Variants in SLC45A4 observed in about 807,000 individuals in gnomAD.
The protein encoded by SLC45A4 is solute carrier family 45 member 4, also known as polyamine-transporter SLC45A4.
In SLC45A4, 32 loss-of-function variants were observed where a neutral mutation model predicts 63.7. The ratio of observed to expected loss-of-function variants is 0.50; its 90% confidence interval spans 0.38 to 0.67. The LOEUF (loss-of-function observed/expected upper bound fraction) is 0.67. Among genes scored for constraint, SLC45A4 ranks in the 30% least tolerant of loss-of-function variants. SLC45A4 has a pLI of 0.00. For synonymous variants in SLC45A4, 535 were observed against 510.0 expected (o/e 1.05, Z -0.66); for missense variants, 1,027 against 1,157.7 (o/e 0.89, Z 1.64).
Position 141,227,235 on chromosome 8 carries a change from C to T in SLC45A4, c.242-5470G>A, listed in dbSNP as rs918053407. Among the ~76,000 whole-genome samples, 5 of 152,174 alleles carry T rather than the reference C, an allele frequency of 3.3e-5. No homozygotes were observed. The highest frequency in any genetic ancestry group is 7.2e-5 in the African/African-American group (3 of 41,516). On this transcript the variant is annotated intron_variant, in intron 2 of 8. Transcript: ENST00000517878. This position sits in a 1 kb window ranked among gnomAD's most constrained non-coding sequence, Gnocchi z 4.4. ...CTCGGCCGCAGGCTGTGTGAGGTCA[C>T]GGGCGACGCTCGGGTCACGTGTGGC... is the stretch of plus-strand genomic sequence containing the variant.
At chr8:141,221,851 G>A in intron 2 of SLC45A4, 86 bp from the exon 3 acceptor site, 3 of 1,427,362 alleles carry the variant, frequency 2.1e-6, no homozygotes, top group Non-Finnish European at 2.9e-6. Flanking sequence ...ACAGGCAGGT[G>A]CCTCTGTGTA....
chr8:141,219,191 G>A (rs1457361278), intron 4 of SLC45A4, among the ~76,000 whole-genome samples, 162 bp from the exon 5 acceptor site: 2 of 152,250 alleles, frequency 1.3e-5, no homozygotes, highest in Non-Finnish European at 2.9e-5. Flanking sequence ...ACAAGAAACT[G>A]CAGCTGCTGC....
In SLC45A4 at chr8:141,219,739, G is replaced by A. The variant is rs1406226794; in HGVS notation, c.521C>T (p.Ala174Val). The A allele has an allele frequency of 6.2e-7, 1 of 1,605,508 alleles. No homozygotes were observed. The highest frequency in any genetic ancestry group is 1.1e-5 in the South Asian group (1 of 89,504). Residue 174 changes from alanine to valine, a missense_variant, in exon 4 of 9, where the codon GCC becomes GTC. Ala to Val is a moderately conservative substitution (Grantham distance 64, BLOSUM62 0). Coordinates refer to ENST00000517878, the MANE Select transcript of SLC45A4 (RefSeq NM_001286646.2). ...GVVVLDFSADATEGPIRAYLL... is the reference protein window; with the variant it reads ...GVVVLDFSADVTEGPIRAYLL... ...ATAGGCACGGATGGGCCCCTCGGTG[G>A]CATCGGCGCTGAAGTCCAGGACCAC...
At position 141,209,280 on chromosome 8, in the gene SLC45A4, A is replaced by G. The variant is rs1013683722; in HGVS notation, c.*2292T>C. On this transcript the variant is annotated 3_prime_UTR_variant, in exon 9 of 9. Coordinates refer to ENST00000517878, the MANE Select transcript of SLC45A4 (RefSeq NM_001286646.2). ...CTGCGGGCGCAATGGCGCTTTGCAG[A>G]CAAGACAGCCTGCCCGTCTGCCCTT... The G allele has an allele frequency of 5.2e-5, 8 of 152,472 alleles. No individual in the cohort carries two copies. The highest frequency in any genetic ancestry group is 1.9e-4 in the African/African-American group (8 of 41,480). The allele number at this position is 152,472 out of a possible 1,614,324, so 9.4% of individuals were successfully genotyped here.
intron 1 of SLC45A4, among the ~76,000 whole-genome samples, chr8:141,299,171 T>C (rs938125149): frequency 1.3e-5 from 2 of 152,288 alleles, no homozygotes; most frequent in Middle Eastern, 3.4e-3. Context: ...CTCCGAGCAC[T>C]GGGTGGCTTC....
chr8:141,305,378 C>T (rs994056862), intron 1 of SLC45A4, among the ~76,000 whole-genome samples: 2 of 152,354 alleles, frequency 1.3e-5, no homozygotes, highest in East Asian at 3.9e-4. Context: ...CTGGTCAAAT[C>T]TGTTTCCTGG....
intron 1 of SLC45A4, among the ~76,000 whole-genome samples, chr8:141,289,570 T>C (rs1239492228): frequency 2.0e-5 from 3 of 152,116 alleles, no homozygotes; most frequent in Non-Finnish European, 2.9e-5. Context: ...GGGTTTTCCT[T>C]GGGCGGAGAA....
chr8:141,228,031 C>A (rs953703906), intron 2 of SLC45A4: 7 of 892,128 alleles, frequency 7.8e-6, no homozygotes, highest in South Asian at 6.9e-5. Flanking sequence ...CAGGACCCAG[C>A]GCCTCATTTC....
At chr8:141,219,238 T>G (rs1375474325) in intron 4 of SLC45A4, among the ~76,000 whole-genome samples, 2 of 152,246 alleles carry the variant, frequency 1.3e-5, no homozygotes, top group African/African-American at 2.4e-5. Context: ...AACTGCCCCT[T>G]GATCAATGAA....
intron 7 of SLC45A4, among the ~76,000 whole-genome samples, chr8:141,214,082 C>T (rs1825990438): frequency 6.6e-6 from 1 of 151,836 alleles, no homozygotes; most frequent in Non-Finnish European, 1.5e-5. Context: ...GTGGCAGGCG[C>T]CTGTAGTTCC....
Position 141,215,703 on chromosome 8 carries a change from G to A in SLC45A4, c.1941+56C>T, listed in dbSNP as rs1009921610. The A allele has an allele frequency of 1.4e-5, 22 of 1,565,630 alleles. No individual in the cohort carries two copies. The highest frequency in any genetic ancestry group is 1.9e-5 in the Non-Finnish European group (22 of 1,145,654). On this transcript the variant is annotated intron_variant, in intron 7 of 8. Coordinates refer to ENST00000517878, the MANE Select transcript of SLC45A4 (RefSeq NM_001286646.2). This position sits in a 1 kb window ranked among gnomAD's most constrained non-coding sequence, Gnocchi z 4.3. The stretch of plus-strand genomic sequence containing the variant: ...GGAAGCACAGGGCTCTGCTCTGTAT[G>A]GAGGGAAGGCACTCAGGAGGCTGGA...
intron 1 of SLC45A4, among the ~76,000 whole-genome samples, chr8:141,298,971 C>T (rs1049617038): frequency 7.2e-5 from 11 of 152,190 alleles, no homozygotes; most frequent in African/African-American, 1.9e-4. Context: ...CGGCCGTATC[C>T]GGTGGCTCCT....
In SLC45A4 at chr8:141,210,911, A is replaced by G. The variant is rs1825766464; in HGVS notation, c.*661T>C. The G allele has an allele frequency of 6.6e-6, 1 of 152,600 alleles. No homozygotes were observed. Among genetic ancestry groups the G allele is most frequent in the Admixed American group, 6.5e-5 (1 of 15,296 alleles). 9.5% of individuals were successfully genotyped at this position (152,600 alleles called of 1,614,324 possible). On this transcript the variant is annotated 3_prime_UTR_variant, in exon 9 of 9. Coordinates refer to ENST00000517878, the MANE Select transcript of SLC45A4 (RefSeq NM_001286646.2). ...GAAAACATTTCCAAATAGCTGCAGT[A>G]CTTGCCCGAGTTTTGCTTATTCGTT...
chr8:141,251,519 A>G (rs4961342), intron 2 of SLC45A4, among the ~76,000 whole-genome samples: 106,475 of 151,180 alleles, frequency 0.7, 37,991 homozygotes, highest in East Asian at 0.86. Flanking sequence ...AGGATATGAT[A>G]GGCACCCAAG....
chr8:141,264,366 C>G lies in SLC45A4; in HGVS notation c.-400-9737G>C, dbSNP rs150460309. On this transcript the variant is annotated intron_variant, in intron 1 of 8. Transcript: ENST00000517878. ...TCGGCGTGCACTTGTCTCCGTTTCT[C>G]AAGGCTGCAATCTGTCCCACCCATG... 1.4e-4 allele frequency among the ~76,000 whole-genome samples: 22 copies of G among 152,260 alleles called. 1 individual carries two copies. The East Asian group carries it at 4.3e-3, about 29-fold the overall frequency.
intron 3 of SLC45A4, among the ~76,000 whole-genome samples, chr8:141,220,134 C>T (rs1050256680): frequency 2.6e-5 from 4 of 152,206 alleles, no homozygotes; most frequent in African/African-American, 7.2e-5. Flanking sequence ...CTTTCTACCC[C>T]GGCCATCAGA....
At position 141,256,858 on chromosome 8, in the gene SLC45A4, A is replaced by T; in HGVS notation, c.-400-2229T>A. Reference sequence around the variant, plus strand: ...TTTTTTCAAAAAACTGTGTAATGAAACTTTTTTTTTTTTTTGAGACAGTCT... The same window carrying T: ...TTTTTTCAAAAAACTGTGTAATGAATCTTTTTTTTTTTTTTGAGACAGTCT... On this transcript the variant is annotated intron_variant, in intron 1 of 8. Coordinates refer to ENST00000517878, the MANE Select transcript of SLC45A4 (RefSeq NM_001286646.2). This position sits in a 1 kb window ranked among gnomAD's most constrained non-coding sequence, Gnocchi z 4.3. 1 of 317,658 alleles carries T rather than the reference A, an allele frequency of 3.1e-6. No individual in the cohort carries two copies. Among genetic ancestry groups the T allele is most frequent in the Non-Finnish European group, 6.2e-6 (1 of 162,240 alleles). The allele number at this position is 317,658 out of a possible 1,614,324, so 19.7% of individuals were successfully genotyped here.
intron 2 of SLC45A4, among the ~76,000 whole-genome samples, chr8:141,237,137 T>C (rs1032857688): frequency 2.0e-5 from 3 of 152,238 alleles, no homozygotes; most frequent in Non-Finnish European, 2.9e-5. Flanking sequence ...AAATATGATA[T>C]ATTGCTTACT....
chr8:141,212,700 C>G, intron 7 of SLC45A4, 144 bp from the exon 8 acceptor site: 1 of 946,276 alleles, frequency 1.1e-6, no homozygotes, highest in Admixed American at 2.8e-5. Context: ...TGCCTGAGCA[C>G]CCTCAATCCC....
Sources: allele counts gnomAD v4.1 joint callset (sites outside exome capture counted in the v4.1 genomes callset), GRCh38; gene constraint gnomAD v4.1.1; non-coding constraint Gnocchi (gnomAD v3.1); transcripts MANE v1.5; gene names NCBI Gene and HGNC (gene_info 2026-07-23, HGNC 2026-07-21).